PHKB: variants seen among roughly 807,000 people sequenced by gnomAD.
The protein encoded by PHKB is phosphorylase kinase regulatory subunit beta, also known as phosphorylase b kinase regulatory subunit beta.
Under a neutral mutation model 152.1 loss-of-function variants are expected in PHKB, and 122 were observed. The ratio of observed to expected loss-of-function variants is 0.80; its 90% CI spans 0.69 to 0.93. The LOEUF (loss-of-function observed/expected upper bound fraction) is 0.93, where lower values mean the gene tolerates loss of function less well. Among genes scored for constraint, PHKB ranks in the 40% least tolerant of loss-of-function variants. PHKB has a pLI of 0.00. For missense variants in PHKB, 1,304 were observed against 1,328.4 expected (o/e 0.98, Z 0.29); for synonymous variants, 436 against 464.9 (o/e 0.94, Z 0.80).
intron 2 of PHKB, 127 bp downstream of exon 2, chr16:47,497,615 C>T: frequency 1.4e-6 from 1 of 692,114 alleles, no homozygotes; most frequent in Non-Finnish European, 2.6e-6. Context: ...ACTTTCAGTG[C>T]TTAAGTAGCT....
chr16:47,558,654 G>T (rs1597084786), intron 7 of PHKB, among the ~76,000 whole-genome samples: 3 of 152,270 alleles, frequency 2.0e-5, no homozygotes, highest in South Asian at 4.1e-4. Context: ...GTTCAAGCAA[G>T]TCTCCTGCCT....
In PHKB at chr16:47,596,544, G is replaced by T. The variant is rs117536391; in HGVS notation, c.1363+13G>T. On this transcript the variant is annotated intron_variant, in intron 13 of 30. Coordinates refer to ENST00000323584, the MANE Select transcript of PHKB (RefSeq NM_000293.3). ...GCAAAACTCCTGGGTAAGTGGAGAA[G>T]ATTGGGAATGGTATTTTTTTCCTTG... 0.016 allele frequency: 26,426 copies of T among 1,610,608 alleles called. 324 individuals carry two copies. The highest frequency in any genetic ancestry group is 0.038 in the South Asian group (3,413 of 90,886).
At chr16:47,515,020 G>A (rs1226758925) in intron 5 of PHKB, among the ~76,000 whole-genome samples, 1 of 152,086 alleles carries the variant, frequency 6.6e-6, no homozygotes. Flanking sequence ...AAGATGCACT[G>A]CCTATTGTTT....
chr16:47,589,575 C>T (rs1971992785), intron 10 of PHKB, among the ~76,000 whole-genome samples: 1 of 152,118 alleles, frequency 6.6e-6, no homozygotes, highest in Non-Finnish European at 1.5e-5. Flanking sequence ...CTTCCCTTAT[C>T]TGTTTCATTT....
chr16:47,483,049 T>A (rs1969991227), intron 1 of PHKB, among the ~76,000 whole-genome samples: 1 of 142,936 alleles, frequency 7.0e-6, no homozygotes, highest in African/African-American at 2.6e-5. Flanking sequence ...TTTTTTTTTT[T>A]TTTTTTGGAG....
intron 26 of PHKB, among the ~76,000 whole-genome samples, chr16:47,677,405 A>G (rs1254941463): frequency 6.6e-6 from 1 of 152,228 alleles, no homozygotes; most frequent in Non-Finnish European, 1.5e-5. Flanking sequence ...ACAAAACGCC[A>G]TACATGGAAT....
rs1335923768 is a variant in PHKB at position 47,661,741 on chromosome 16, A to G, written c.2219A>G (p.Gln740Arg). The change falls in exon 23 of 31, where the codon CAA (glutamine) becomes CGA (arginine). Residue 740 changes from glutamine (Q) to arginine (R), a missense_variant. Physicochemically the swap from Gln to Arg is conservative, Grantham distance 43. Transcript: ENST00000323584. ...CAGGATTGCAGTTGTCTGGCTAGCCAAGCCATCCTGCTGGGTATACTGCTC... is the reference window on the plus strand; with the variant it reads ...CAGGATTGCAGTTGTCTGGCTAGCCGAGCCATCCTGCTGGGTATACTGCTC... ...KLNDCSCLAS[Q>R]AILLGILLKR... is the part of the protein sequence containing the mutation. 9 of 1,613,144 alleles carry G rather than the reference A, an allele frequency of 5.6e-6. No individual in the cohort carries two copies. In the African/African-American group the frequency reaches 1.1e-4, roughly 19 times the overall value.
chr16:47,464,830 G>T (rs897635465), intron 1 of PHKB, among the ~76,000 whole-genome samples: 1 of 152,132 alleles, frequency 6.6e-6, no homozygotes. Context: ...TAGAAAACTC[G>T]GAGAAGCCTG....
intron 13 of PHKB, among the ~76,000 whole-genome samples, chr16:47,600,694 C>A (rs1972207108): frequency 6.6e-6 from 1 of 152,158 alleles, no homozygotes; most frequent in Non-Finnish European, 1.5e-5. Flanking sequence ...ATACTGAGTA[C>A]TGTGGACAAT....
intron 28 of PHKB, 144 bp downstream of exon 28, chr16:47,693,651 C>A: frequency 2.1e-6 from 2 of 951,410 alleles, no homozygotes; most frequent in Non-Finnish European, 1.6e-6. Flanking sequence ...GAAAATAAGA[C>A]ATCTAATCAA....
rs972334265 is a variant in PHKB, at chr16:47,536,426, T to A, written c.595-11007T>A. 5.3e-5 allele frequency among the ~76,000 whole-genome samples: 8 copies of A among 152,206 alleles called. No individual in the cohort carries two copies. In the South Asian group the frequency reaches 6.2e-4, roughly 12 times the overall value. On this transcript the variant is annotated intron_variant, in intron 6 of 30. Coordinates refer to ENST00000323584, the MANE Select transcript of PHKB (RefSeq NM_000293.3). Reference sequence around the variant, plus strand: ...CAGTTCTTACTAAATCATAGTATTATTTGTGTGAGAACTACAAGAAGTTTA... The same window carrying A: ...CAGTTCTTACTAAATCATAGTATTAATTGTGTGAGAACTACAAGAAGTTTA...
chr16:47,497,598 T>A, intron 2 of PHKB, 110 bp downstream of exon 2: 1 of 734,458 alleles, frequency 1.4e-6, no homozygotes, highest in Admixed American at 2.0e-5. Flanking sequence ...TCATTGGGAT[T>A]TGGGGTACTT....
At chr16:47,552,114 C>T (rs1971282345) in intron 7 of PHKB, among the ~76,000 whole-genome samples, 1 of 152,160 alleles carries the variant, frequency 6.6e-6, no homozygotes, top group Non-Finnish European at 1.5e-5. Context: ...TGTCTTTGCA[C>T]ATGAGATGGA....
At chr16:47,491,114 A>G (rs1450140412) in intron 1 of PHKB, among the ~76,000 whole-genome samples, 1 of 152,164 alleles carries the variant, frequency 6.6e-6, no homozygotes, top group Non-Finnish European at 1.5e-5. Context: ...TTTGAACTTT[A>G]ATGTAAATCC....
At chr16:47,698,352 G>A in intron 29 of PHKB, 96 bp from the exon 30 acceptor site, 1 of 932,646 alleles carries the variant, frequency 1.1e-6, no homozygotes, top group Non-Finnish European at 1.8e-6. Flanking sequence ...TCATCATATA[G>A]AATATCCTTT....
chr16:47,648,704 A>G, intron 17 of PHKB, 88 bp downstream of exon 17: 1 of 830,882 alleles, frequency 1.2e-6, no homozygotes, highest in Middle Eastern at 2.2e-4. Context: ...ATCCTTTTTC[A>G]TTTTCATTAT....
chr16:47,563,943 G>C (rs2151683248), intron 7 of PHKB, among the ~76,000 whole-genome samples: 1 of 151,078 alleles, frequency 6.6e-6, no homozygotes, highest in East Asian at 1.9e-4. Flanking sequence ...ACTTCACCTA[G>C]GATAAGGCCC....
intron 25 of PHKB, chr16:47,665,595 A>G (rs1343531023): frequency 8.5e-6 from 3 of 354,730 alleles, no homozygotes; most frequent in Non-Finnish European, 1.1e-5. Context: ...GAACTTGTTA[A>G]TGCAAAATCA....
intron 1 of PHKB, 79 bp downstream of exon 1, chr16:47,461,505 G>A (rs1183716342): frequency 8.3e-6 from 12 of 1,445,522 alleles, no homozygotes; most frequent in Non-Finnish European, 1.1e-5. Flanking sequence ...CGGGAGGCAG[G>A]TGGGGGCCCT....
Sources: allele counts gnomAD v4.1 joint callset (sites outside exome capture counted in the v4.1 genomes callset), GRCh38; gene constraint gnomAD v4.1.1; transcripts MANE v1.5; gene names NCBI Gene and HGNC (gene_info 2026-07-23, HGNC 2026-07-21).